The following RIT2 variants were observed in gnomAD, a reference collection of about 807,000 sequenced individuals.
RIT2 encodes the protein Ras like without CAAX 2, also known as GTP-binding protein Rit2.
Under a neutral mutation model 23.7 loss-of-function variants are expected in RIT2, and 24 were observed. The ratio of observed to expected loss-of-function variants is 1.01; its 90% CI spans 0.73 to 1.43. The LOEUF is 1.43. Ranked by LOEUF, RIT2 falls within the 40% of genes most tolerant of loss-of-function variation. The pLI, the probability that RIT2 is intolerant of heterozygous loss-of-function variation, is 0.00. For missense variants in RIT2, 236 were observed against 266.9 expected, an observed-to-expected ratio of 0.88 and a Z score of 0.81; for synonymous variants, 107 against 91.1, an observed-to-expected ratio of 1.17 and a Z score of -0.99.
intron 2 of RIT2, among the ~76,000 whole-genome samples, chr18:43,027,286 G>A (rs1021868100): frequency 5.9e-5 from 9 of 152,060 alleles, no homozygotes; most frequent in African/African-American, 1.7e-4. Context: ...GGAGAAATGC[G>A]AAAGGCACTA....
At chr18:42,866,113 C>T (rs552251297) in intron 4 of RIT2, among the ~76,000 whole-genome samples, 1 of 152,120 alleles carries the variant, frequency 6.6e-6, no homozygotes, top group Non-Finnish European at 1.5e-5. Flanking sequence ...ACAAAAGATG[C>T]CTTGGACCTG....
intron 2 of RIT2, among the ~76,000 whole-genome samples, chr18:42,992,178 C>T (rs60083117): frequency 0.023 from 3,434 of 152,122 alleles, 140 homozygotes; most frequent in African/African-American, 0.079. Flanking sequence ...TTAGCCTGTC[C>T]TCTCAAGAAC....
intron 3 of RIT2, among the ~76,000 whole-genome samples, chr18:42,948,314 GT>G (rs1182265383): frequency 6.6e-6 from 1 of 151,994 alleles, no homozygotes; most frequent in Admixed American, 6.6e-5. Flanking sequence ...GAGAGGGGAG[GT>G]GTGGCGGTTC....
At chr18:43,088,002 C>T (rs1303534340) in intron 1 of RIT2, among the ~76,000 whole-genome samples, 1 of 152,138 alleles carries the variant, frequency 6.6e-6, no homozygotes, top group Admixed American at 6.6e-5. Flanking sequence ...TGTATGGACA[C>T]AATTACAAAG....
intron 4 of RIT2, among the ~76,000 whole-genome samples, chr18:42,903,704 A>C (rs1191245607): frequency 6.6e-6 from 1 of 152,138 alleles, no homozygotes; most frequent in Non-Finnish European, 1.5e-5. Flanking sequence ...CCTTCATGAA[A>C]CAGATAATGC....
intron 1 of RIT2, among the ~76,000 whole-genome samples, chr18:43,036,405 T>A (rs1911976925): frequency 6.6e-6 from 1 of 152,014 alleles, no homozygotes. Flanking sequence ...CCGGGCGTGG[T>A]GGCGCATGCT....
chr18:43,018,425 A>G (rs1336396762), intron 2 of RIT2, among the ~76,000 whole-genome samples: 1 of 152,002 alleles, frequency 6.6e-6, no homozygotes, highest in Non-Finnish European at 1.5e-5. Flanking sequence ...GAATTTAACT[A>G]TACATAGAAG....
intron 3 of RIT2, among the ~76,000 whole-genome samples, chr18:42,970,069 T>C (rs1910326389): frequency 6.6e-6 from 1 of 152,038 alleles, no homozygotes; most frequent in Admixed American, 6.6e-5. Flanking sequence ...AGAGCTTGAG[T>C]AAAATGTAAA....
At chr18:42,797,581 A>G (rs758275370) in intron 4 of RIT2, among the ~76,000 whole-genome samples, 1 of 152,146 alleles carries the variant, frequency 6.6e-6, no homozygotes, top group Admixed American at 6.6e-5. Flanking sequence ...TGAGAAAGGG[A>G]CCTCACAACT....
At chr18:42,924,861 G>A (rs565491842) in intron 3 of RIT2, among the ~76,000 whole-genome samples, 1 of 152,162 alleles carries the variant, frequency 6.6e-6, no homozygotes, top group Admixed American at 6.6e-5. Flanking sequence ...CATTTATGTA[G>A]ATCCAGGAAC....
intron 1 of RIT2, among the ~76,000 whole-genome samples, chr18:43,068,606 T>C (rs1448339011): frequency 1.3e-5 from 2 of 152,180 alleles, no homozygotes; most frequent in East Asian, 1.9e-4. Flanking sequence ...AACTGCATTC[T>C]GGGAGGCCAG....
intron 1 of RIT2, among the ~76,000 whole-genome samples, chr18:43,050,390 A>T (rs1273761504): frequency 1.3e-5 from 2 of 152,048 alleles, no homozygotes; most frequent in Non-Finnish European, 2.9e-5. Flanking sequence ...ATAAATAGAC[A>T]TTTCTGGGAG....
chr18:43,110,931 A>T (rs1326533743), intron 1 of RIT2, among the ~76,000 whole-genome samples: 1 of 152,178 alleles, frequency 6.6e-6, no homozygotes, highest in Non-Finnish European at 1.5e-5. Context: ...TAGGAAAACA[A>T]ATTAGCATAT....
chr18:42,987,910 G>C (rs1436045286), intron 2 of RIT2, among the ~76,000 whole-genome samples: 2 of 152,148 alleles, frequency 1.3e-5, no homozygotes, highest in African/African-American at 4.8e-5. Context: ...TGGGAACTAA[G>C]AGTAAGAACC....
intron 2 of RIT2, among the ~76,000 whole-genome samples, chr18:42,993,408 G>A (rs1910902033): frequency 6.6e-6 from 1 of 152,064 alleles, no homozygotes; most frequent in Non-Finnish European, 1.5e-5. Context: ...CAAGCTTCAG[G>A]TAACTCTCAT....
chr18:42,997,200 A>G (rs1911004696), intron 2 of RIT2, among the ~76,000 whole-genome samples: 1 of 152,170 alleles, frequency 6.6e-6, no homozygotes, highest in Non-Finnish European at 1.5e-5. Flanking sequence ...AATGTCTTCC[A>G]CATGTGGAGC....
intron 4 of RIT2, among the ~76,000 whole-genome samples, chr18:42,871,150 T>C (rs143515466): frequency 1.4e-4 from 21 of 152,350 alleles, no homozygotes; most frequent in African/African-American, 5.0e-4. Context: ...TTAAGTCTTC[T>C]ATAACTGCCA....
chr18:42,791,319 C>T (rs1346002431), intron 4 of RIT2, among the ~76,000 whole-genome samples: 1 of 152,128 alleles, frequency 6.6e-6, no homozygotes, highest in Non-Finnish European at 1.5e-5. Context: ...CTTTGCTTTG[C>T]CATTTAGTTA....
chr18:42,830,884 A>T (rs1443290915), intron 4 of RIT2, among the ~76,000 whole-genome samples: 1 of 152,218 alleles, frequency 6.6e-6, no homozygotes, highest in East Asian at 1.9e-4. Context: ...TTAAAAACAG[A>T]ATCATGGGGT....
Sources: allele counts gnomAD v4.1 joint callset (sites outside exome capture counted in the v4.1 genomes callset), GRCh38; gene constraint gnomAD v4.1.1; transcripts MANE v1.5; gene names NCBI Gene and HGNC (gene_info 2026-07-23, HGNC 2026-07-21).